The following METTL22 variants were observed in gnomAD, a reference collection of about 807,000 sequenced individuals.
METTL22 encodes the protein methyltransferase 22, Kin17 lysine.
In METTL22, 51 loss-of-function variants were observed where a neutral mutation model predicts 48.4. The ratio of observed to expected loss-of-function variants is 1.05; its 90% confidence interval spans 0.84 to 1.33. The LOEUF (loss-of-function observed/expected upper bound fraction) is 1.33, where lower values mean the gene tolerates loss of function less well. Among genes scored for constraint, METTL22 ranks in the 40% most tolerant of loss-of-function variants. The probability of loss-of-function intolerance (pLI) is 0.00; values close to 1 mark genes in which losing one functional copy is unlikely to be tolerated. For missense variants in METTL22, 678 were observed against 526.9 expected, an observed-to-expected ratio of 1.29 and a Z score of -2.81; for synonymous variants, 255 against 214.1, an observed-to-expected ratio of 1.19 and a Z score of -1.67.
At chr16:8,624,727 G>A (rs2055985034) in intron 1 of METTL22, among the ~76,000 whole-genome samples, 1 of 152,044 alleles carries the variant, frequency 6.6e-6, no homozygotes, top group Non-Finnish European at 1.5e-5. Context: ...TTAATGCCAA[G>A]TATGGTGGCA....
At chr16:8,663,435 G>C in the METTL22 span, among the ~76,000 whole-genome samples, 1 of 152,032 alleles carries the variant, frequency 6.6e-6, no homozygotes, top group Non-Finnish European at 1.5e-5. Flanking sequence ...AAAAAAATCA[G>C]TCAAGCTCTC....
intron 9 of METTL22, among the ~76,000 whole-genome samples, chr16:8,643,461 A>G (rs1433747497): frequency 1.3e-5 from 2 of 152,210 alleles, no homozygotes; most frequent in Non-Finnish European, 2.9e-5. Flanking sequence ...ACACACACTG[A>G]CATTTCCAGC....
intron 10 of METTL22, among the ~76,000 whole-genome samples, chr16:8,645,604 T>G (rs945698853): frequency 1.2e-5 from 1 of 85,378 alleles, no homozygotes; most frequent in East Asian, 3.5e-4. Flanking sequence ...AGACCCTATC[T>G]CGACAAAAAT....
At chr16:8,658,917 C>T in the METTL22 span, among the ~76,000 whole-genome samples, 3 of 152,204 alleles carry the variant, frequency 2.0e-5, no homozygotes, top group African/African-American at 4.8e-5. Flanking sequence ...ATGCACCACT[C>T]TCTTGGCCAT....
the METTL22 span, among the ~76,000 whole-genome samples, chr16:8,663,152 G>A: frequency 1.5e-5 from 2 of 136,858 alleles, no homozygotes; most frequent in South Asian, 2.3e-4. Context: ...GTTACAGTGA[G>A]CCAAGATTGC....
intron 7 of METTL22, 199 bp from the exon 8 acceptor site, chr16:8,641,928 G>A (rs978824338): frequency 1.9e-5 from 12 of 615,482 alleles, no homozygotes; most frequent in Non-Finnish European, 3.5e-5. Flanking sequence ...AGCAGAAAAG[G>A]CACCTCTTCC....
the METTL22 span, among the ~76,000 whole-genome samples, chr16:8,663,540 A>AGGGGGCCCCACCCAGGT: frequency 1.6e-4 from 24 of 151,494 alleles, no homozygotes; most frequent in African/African-American, 5.6e-4. Context: ...TAAAATCAAG[A>AGGGGGCCCCACCCAGGT]GGGGGCCCCA....
At chr16:8,629,951 C>G (rs1486750781) in intron 3 of METTL22, among the ~76,000 whole-genome samples, 2 of 152,144 alleles carry the variant, frequency 1.3e-5, no homozygotes, top group Non-Finnish European at 2.9e-5. Context: ...TAGCGCCATG[C>G]TGCTTGGTGG....
chr16:8,630,868 G>A (rs144527994), intron 3 of METTL22, among the ~76,000 whole-genome samples: 8 of 152,262 alleles, frequency 5.3e-5, no homozygotes, highest in East Asian at 1.9e-4. Context: ...GTAGTAATTC[G>A]TGATTATTTC....
chr16:8,645,637 A>ACG (rs2056763628), intron 10 of METTL22, among the ~76,000 whole-genome samples: 3 of 152,080 alleles, frequency 2.0e-5, no homozygotes, highest in South Asian at 2.1e-4. Flanking sequence ...TTAGCCATGC[A>ACG]TGGTGGTGCA....
intron 1 of METTL22, among the ~76,000 whole-genome samples, chr16:8,622,063 A>T (rs1256101953): frequency 2.0e-5 from 3 of 152,196 alleles, no homozygotes; most frequent in African/African-American, 2.4e-5. Context: ...TAGTTAACCC[A>T]CAAGGGTGGC....
intron 6 of METTL22, among the ~76,000 whole-genome samples, chr16:8,640,244 G>A (rs1423255042): frequency 6.6e-6 from 1 of 152,112 alleles, no homozygotes; most frequent in African/African-American, 2.4e-5. Context: ...GATGGAGGGA[G>A]CATGCTGGTG....
At chr16:8,641,496 A>T in intron 7 of METTL22, 1 of 555,108 alleles carries the variant, frequency 1.8e-6, no homozygotes, top group Non-Finnish European at 3.4e-6. Context: ...GGGTAGGGGC[A>T]TAGACCCGAG....
At chr16:8,634,999 T>C in intron 3 of METTL22, 40 bp from the exon 4 acceptor site, 1 of 1,612,478 alleles carries the variant, frequency 6.2e-7, no homozygotes, top group Non-Finnish European at 8.5e-7. Context: ...TCCATCCCCA[T>C]TTCACAGTGG....
Position 8,625,790 on chromosome 16 carries a change from G to C in METTL22, c.125G>C (p.Gly42Ala). 1 of 1,614,118 alleles carries C rather than the reference G, an allele frequency of 6.2e-7. No homozygotes were observed. The highest frequency in any genetic ancestry group is 8.5e-7 in the Non-Finnish European group (1 of 1,180,008). Residue 42 changes from glycine (G) to alanine (A), a missense_variant, in exon 2 of 11, where the codon GGG becomes GCG. Gly to Ala is a moderately conservative substitution (Grantham distance 60, BLOSUM62 0). Transcript: ENST00000381920. ...CTCATGGTACGGCTGAACAGCGTGGGGCAGCCAGGTAAGGTCCTGGGCCCA... is the reference window on the plus strand; with the variant it reads ...CTCATGGTACGGCTGAACAGCGTGGCGCAGCCAGGTAAGGTCCTGGGCCCA... ...RHLMVRLNSV[G>A]QPVFLSQFKL...
downstream of METTL22, among the ~76,000 whole-genome samples, chr16:8,652,678 T>A (rs2110617): frequency 0.96 from 145,251 of 151,142 alleles, 69,902 homozygotes; most frequent in East Asian, 1. Context: ...ATAATTATTT[T>A]AAAAAAAAAA....
At position 8,646,521 on chromosome 16, in the gene METTL22, A is replaced by T. The variant is rs1245591021; in HGVS notation, c.*378A>T. The stretch of plus-strand genomic sequence containing the variant: ...TTGTACTGCCCTCTGTCAGCTGTTT[A>T]CAGATGGGTTGACTACCACTGCCAG... On this transcript the variant is annotated 3_prime_UTR_variant, in exon 11 of 11. Coordinates refer to ENST00000381920, the MANE Select transcript of METTL22 (RefSeq NM_024109.4). 1 of 505,012 alleles carries T rather than the reference A, an allele frequency of 2.0e-6. No homozygotes were observed. The highest frequency in any genetic ancestry group is 3.9e-6 in the Non-Finnish European group (1 of 259,304). 31.3% of individuals were successfully genotyped at this position (505,012 alleles called of 1,614,324 possible).
the METTL22 span, among the ~76,000 whole-genome samples, chr16:8,662,709 A>T: frequency 7.0e-6 from 1 of 143,866 alleles, no homozygotes; most frequent in Non-Finnish European, 1.5e-5. Flanking sequence ...TTTCCACTGG[A>T]GGTTCCTCAG....
At chr16:8,629,132 C>A in intron 3 of METTL22, 22 bp downstream of exon 3, 3 of 1,599,190 alleles carry the variant, frequency 1.9e-6, no homozygotes, top group Non-Finnish European at 2.6e-6. Flanking sequence ...TGTGATGTGG[C>A]CCACCTGTCA....
Sources: gnomAD v4.1 joint callset for allele counts (sites outside exome capture counted in the v4.1 genomes callset) on GRCh38, gnomAD v4.1.1 for gene constraint, MANE v1.5 for transcripts, NCBI Gene and HGNC (gene_info 2026-07-23, HGNC 2026-07-21) for gene names.